The following KCNQ5 variants were observed in gnomAD, a reference collection of about 807,000 sequenced individuals.
KCNQ5 encodes the protein potassium voltage-gated channel subfamily Q member 5.
KCNQ5 carries 30 observed loss-of-function variants against 98.2 expected under a neutral mutation model. The ratio of observed to expected loss-of-function variants is 0.31; its 90% confidence interval spans 0.23 to 0.41. The LOEUF is 0.41. KCNQ5 is among the 10% of genes least tolerant of loss of function. KCNQ5 has a pLI of 1.00. For synonymous variants in KCNQ5, 458 were observed against 449.4 expected, an observed-to-expected ratio of 1.02 and a Z score of -0.24; for missense variants, 835 against 1,182.5, an observed-to-expected ratio of 0.71 and a Z score of 4.31.
chr6:73,150,190 CA>C (rs970484772), intron 10 of KCNQ5, among the ~76,000 whole-genome samples: 82 of 151,564 alleles, frequency 5.4e-4, no homozygotes, highest in African/African-American at 1.6e-3. Flanking sequence ...ATGGCTGAAA[CA>C]AAAAAAACTA....
At chr6:73,153,918 T>A (rs202002172) in intron 10 of KCNQ5, among the ~76,000 whole-genome samples, 1 of 123,948 alleles carries the variant, frequency 8.1e-6, no homozygotes, top group Non-Finnish European at 1.7e-5. Context: ...AAAAAAAAAG[T>A]TTGCTCTCCA....
intron 1 of KCNQ5, among the ~76,000 whole-genome samples, chr6:72,762,818 C>A (rs1389665629): frequency 3.3e-5 from 5 of 152,034 alleles, no homozygotes; most frequent in African/African-American, 1.2e-4. Flanking sequence ...ATATTACAAT[C>A]ATCAATTTTA....
chr6:73,035,099 C>T (rs1350212995), intron 2 of KCNQ5, among the ~76,000 whole-genome samples: 2 of 152,088 alleles, frequency 1.3e-5, no homozygotes, highest in Non-Finnish European at 2.9e-5. Flanking sequence ...CCCGCCTCGG[C>T]TTCCGAAAGC....
Position 73,195,259 on chromosome 6 carries a change from G to C in KCNQ5, c.2644G>C (p.Glu882Gln). Residue 882 changes from glutamate to glutamine, a missense_variant, in exon 14 of 14, where the codon GAG (glutamate) becomes CAG (glutamine). Coordinates refer to ENST00000370398, the MANE Select transcript of KCNQ5 (RefSeq NM_019842.4). ...TGAAGAGGTGGGTCCCGAAGAGACA[G>C]AGACAGACACTTTTGATGCCGCACC... ...TDEEVGPEETETDTFDAAPQP... is the reference protein window; with the variant it reads ...TDEEVGPEETQTDTFDAAPQP... 6.2e-7 allele frequency: 1 copy of C among 1,614,218 alleles called. No individual in the cohort carries two copies. The highest frequency in any genetic ancestry group is 8.5e-7 in the Non-Finnish European group (1 of 1,180,032).
At chr6:72,843,415 A>G (rs747420040) in intron 1 of KCNQ5, among the ~76,000 whole-genome samples, 2 of 152,120 alleles carry the variant, frequency 1.3e-5, no homozygotes, top group African/African-American at 2.4e-5. Context: ...GTCAGGTAGC[A>G]TGATGCCTCC....
At chr6:73,169,291 C>T (rs1777918311) in intron 10 of KCNQ5, among the ~76,000 whole-genome samples, 1 of 152,178 alleles carries the variant, frequency 6.6e-6, no homozygotes, top group African/African-American at 2.4e-5. Context: ...TTGGCTCCGG[C>T]TACTTAGCTT....
chr6:72,681,304 TAATA>T (rs1565076649), intron 1 of KCNQ5, among the ~76,000 whole-genome samples: 1 of 152,226 alleles, frequency 6.6e-6, no homozygotes, highest in African/African-American at 2.4e-5. Context: ...TGATAAGAGA[TAATA>T]ATAGCTTTTA....
Position 73,117,603 on chromosome 6 carries a change from G to T in KCNQ5, c.1126-2880G>T, listed in dbSNP as rs113117035. Among the ~76,000 whole-genome samples the T allele has an allele frequency of 2.5e-3, 388 of 152,202 alleles. 1 individual carries two copies. Among genetic ancestry groups the T allele is most frequent in the African/African-American group, 9.0e-3 (375 of 41,524 alleles). The stretch of plus-strand genomic sequence containing the variant: ...TTCTGTTGTTTTGGATTTTTTCACT[G>T]GTATCTAATAATGTGCAGACCTGCC... On this transcript the variant is annotated intron_variant, in intron 7 of 13. Transcript: ENST00000370398.
At chr6:73,148,432 A>G (rs1777006417) in intron 10 of KCNQ5, among the ~76,000 whole-genome samples, 1 of 152,248 alleles carries the variant, frequency 6.6e-6, no homozygotes, top group African/African-American at 2.4e-5. Flanking sequence ...AGTGTGAATT[A>G]GTGTTTCTGA....
chr6:72,881,831 G>A (rs1158967067), intron 1 of KCNQ5, among the ~76,000 whole-genome samples: 1 of 152,070 alleles, frequency 6.6e-6, no homozygotes, highest in African/African-American at 2.4e-5. Flanking sequence ...AGCTGGGATT[G>A]CAGATGCATG....
intron 1 of KCNQ5, among the ~76,000 whole-genome samples, chr6:72,708,569 G>A (rs886106407): frequency 1.3e-5 from 2 of 152,140 alleles, no homozygotes; most frequent in African/African-American, 4.8e-5. Flanking sequence ...TGCCCAGGCT[G>A]GAGTGCAGTG....
chr6:72,965,299 A>G (rs986172668), intron 1 of KCNQ5, among the ~76,000 whole-genome samples: 3 of 152,218 alleles, frequency 2.0e-5, no homozygotes, highest in African/African-American at 7.2e-5. Context: ...ACAATATTAA[A>G]TAACGTATCA....
Position 73,105,742 on chromosome 6 carries a change from T to A in KCNQ5, c.1029+375T>A, listed in dbSNP as rs571076043. On this transcript the variant is annotated intron_variant, in intron 6 of 13. Coordinates refer to ENST00000370398, the MANE Select transcript of KCNQ5 (RefSeq NM_019842.4). ...ATGTGTGCTACTTAAGAGACAGATGTGCACAATGGAGTATTTTTCTCTTCA... is the reference window on the plus strand; with the variant it reads ...ATGTGTGCTACTTAAGAGACAGATGAGCACAATGGAGTATTTTTCTCTTCA... 5.3e-5 allele frequency among the ~76,000 whole-genome samples: 8 copies of A among 152,340 alleles called. No homozygotes were observed. In the South Asian group the frequency reaches 1.5e-3, roughly 28 times the overall value.
intron 7 of KCNQ5, among the ~76,000 whole-genome samples, chr6:73,119,941 T>C (rs1276877548): frequency 6.6e-6 from 1 of 152,062 alleles, no homozygotes; most frequent in Non-Finnish European, 1.5e-5. Context: ...GTATGTTGTT[T>C]TGAAAAGAAG....
chr6:72,888,117 C>T (rs928137945), intron 1 of KCNQ5, among the ~76,000 whole-genome samples: 1 of 152,042 alleles, frequency 6.6e-6, no homozygotes, highest in African/African-American at 2.4e-5. Flanking sequence ...GAGATAAAGA[C>T]GGTTAATACA....
At chr6:73,079,544 T>C (rs1562165719) in intron 5 of KCNQ5, among the ~76,000 whole-genome samples, 1 of 152,180 alleles carries the variant, frequency 6.6e-6, no homozygotes, top group Non-Finnish European at 1.5e-5. Context: ...TATTTGTTGA[T>C]TGCATAGCAG....
chr6:72,929,083 C>G (rs1287469005), intron 1 of KCNQ5, among the ~76,000 whole-genome samples: 1 of 152,094 alleles, frequency 6.6e-6, no homozygotes, highest in Non-Finnish European at 1.5e-5. Flanking sequence ...AAAATCCTAA[C>G]CTCATAAATG....
At chr6:72,779,655 TTTG>T (rs1561978151) in intron 1 of KCNQ5, among the ~76,000 whole-genome samples, 1 of 152,076 alleles carries the variant, frequency 6.6e-6, no homozygotes, top group Non-Finnish European at 1.5e-5. Context: ...CATTTTGTTT[TTTG>T]TTTTCAGACG....
chr6:72,848,122 C>G (rs1361721254), intron 1 of KCNQ5, among the ~76,000 whole-genome samples: 1 of 151,978 alleles, frequency 6.6e-6, no homozygotes, highest in Non-Finnish European at 1.5e-5. Context: ...GTGGTATTTC[C>G]TAAGCACTTG....
Sources: gnomAD v4.1 joint callset for allele counts (sites outside exome capture counted in the v4.1 genomes callset) on GRCh38, gnomAD v4.1.1 for gene constraint, MANE v1.5 for transcripts, NCBI Gene and HGNC (gene_info 2026-07-23, HGNC 2026-07-21) for gene names.